Variants in NLK observed in about 807,000 individuals in gnomAD.
NLK encodes nemo like kinase.
NLK carries 11 observed loss-of-function variants against 59.0 expected under a neutral mutation model. That is an observed-to-expected ratio of 0.19 (90% CI 0.12 to 0.31). The LOEUF is 0.31. Ranked by LOEUF, NLK falls within the 10% of genes least tolerant of loss-of-function variation. The pLI, the probability that NLK is intolerant of heterozygous loss-of-function variation, is 1.00. For missense variants in NLK, 410 were observed against 661.1 expected (o/e 0.62, Z 4.16); for synonymous variants, 235 against 235.9 (o/e 1.00, Z 0.03).
chr17:28,188,819 C>T (rs1233652184), intron 8 of NLK, among the ~76,000 whole-genome samples: 1 of 152,050 alleles, frequency 6.6e-6, no homozygotes, highest in African/African-American at 2.4e-5. Flanking sequence ...TTATTTAGTC[C>T]ATTTAGTCTG....
intron 3 of NLK, among the ~76,000 whole-genome samples, chr17:28,156,185 T>C (rs939387215): frequency 2.0e-5 from 3 of 152,176 alleles, no homozygotes; most frequent in Non-Finnish European, 4.4e-5. Flanking sequence ...TATATAAGTA[T>C]ATAACTTGCG....
chr17:28,069,346 A>G lies in NLK; in HGVS notation c.458+26015A>G, dbSNP rs1423166158. On this transcript the variant is annotated intron_variant, in intron 1 of 10. Transcript: ENST00000407008. ...CTTCTGTTCCTTCCAGTTTTAGACT[A>G]TTCTTACATAAGTCTTTTTATGGAT... is the stretch of plus-strand genomic sequence containing the variant. Among the ~76,000 whole-genome samples the G allele has an allele frequency of 2.6e-5, 4 of 152,214 alleles. No homozygotes were observed. The East Asian group carries it at 5.8e-4, about 22-fold the overall frequency.
intron 3 of NLK, among the ~76,000 whole-genome samples, chr17:28,154,805 G>A (rs1375633915): frequency 1.3e-5 from 2 of 152,110 alleles, no homozygotes; most frequent in Non-Finnish European, 2.9e-5. Flanking sequence ...ATACTGAGGT[G>A]GGCAGATCAC....
At chr17:28,113,948 T>C (rs946582496) in intron 1 of NLK, among the ~76,000 whole-genome samples, 3 of 152,228 alleles carry the variant, frequency 2.0e-5, no homozygotes, top group Non-Finnish European at 2.9e-5. Context: ...AGTTTAACTT[T>C]GCCTTTTTTT....
At chr17:28,146,908 A>C (rs563327718) in intron 3 of NLK, among the ~76,000 whole-genome samples, 1 of 152,294 alleles carries the variant, frequency 6.6e-6, no homozygotes, top group East Asian at 1.9e-4. Context: ...AATGGGACTT[A>C]CTTCTTACAG....
In NLK at chr17:28,055,186, G is replaced by A. The variant is rs562732090; in HGVS notation, c.458+11855G>A. The stretch of plus-strand genomic sequence containing the variant: ...TGGCTCACTGCAGCCTCTGCCTCTC[G>A]GGTTCAAGCAATTCTTCTGCCTCAT... On this transcript the variant is annotated intron_variant, in intron 1 of 10. Coordinates refer to ENST00000407008, the MANE Select transcript of NLK (RefSeq NM_016231.5). Among the ~76,000 whole-genome samples the A allele has an allele frequency of 3.9e-3, 578 of 150,070 alleles. 3 individuals are homozygous for A. Among genetic ancestry groups the A allele is most frequent in the Non-Finnish European group, 6.5e-3 (441 of 67,670 alleles).
At chr17:28,131,615 T>A (rs1031381349) in intron 2 of NLK, among the ~76,000 whole-genome samples, 3 of 138,134 alleles carry the variant, frequency 2.2e-5, no homozygotes, top group Non-Finnish European at 3.2e-5. Context: ...AAAAAAAAAA[T>A]TTAAGCTACA....
chr17:28,126,938 T>C (rs1301726146), intron 2 of NLK, among the ~76,000 whole-genome samples: 1 of 152,210 alleles, frequency 6.6e-6, no homozygotes, highest in Non-Finnish European at 1.5e-5. Context: ...TTTAGGTTTT[T>C]TGGATCTTTG....
rs573632778 is a variant in NLK, at chr17:28,171,536, T to G, written c.1048-981T>G. 2.6e-5 allele frequency among the ~76,000 whole-genome samples: 4 copies of G among 152,346 alleles called. No individual in the cohort carries two copies. In the East Asian group the frequency reaches 7.7e-4, roughly 29 times the overall value. On this transcript the variant is annotated intron_variant, in intron 6 of 10. Coordinates refer to ENST00000407008, the MANE Select transcript of NLK (RefSeq NM_016231.5). ...AAATGTGGTCTTATGTGGTGTCATA[T>G]TTTTCTAAGTGTCACAGTTTTCTGC...
At chr17:28,136,535 G>GT (rs1278215867) in intron 3 of NLK, among the ~76,000 whole-genome samples, 2 of 152,130 alleles carry the variant, frequency 1.3e-5, no homozygotes. Context: ...AAATACCTTA[G>GT]TTACATATAT....
intron 1 of NLK, among the ~76,000 whole-genome samples, chr17:28,087,951 G>C (rs1017517212): frequency 1.3e-5 from 2 of 152,144 alleles, no homozygotes; most frequent in South Asian, 2.1e-4. Context: ...AGGAGGAAAG[G>C]CTAGAGAAAT....
chr17:28,161,885 G>A (rs969591620), intron 4 of NLK, among the ~76,000 whole-genome samples: 2 of 152,140 alleles, frequency 1.3e-5, no homozygotes, highest in African/African-American at 4.8e-5. Context: ...GCCATTACAA[G>A]TAGAGAATTG....
intron 1 of NLK, among the ~76,000 whole-genome samples, chr17:28,059,419 C>G (rs1909554288): frequency 6.6e-6 from 1 of 151,958 alleles, no homozygotes; most frequent in Admixed American, 6.6e-5. Flanking sequence ...TTTCTATAAT[C>G]TACATAAAGT....
chr17:28,151,155 G>GAGT (rs1299499717), intron 3 of NLK, among the ~76,000 whole-genome samples: 1 of 152,168 alleles, frequency 6.6e-6, no homozygotes, highest in Non-Finnish European at 1.5e-5. Context: ...AACAGACCTG[G>GAGT]AGTGATGCAG....
At chr17:28,130,224 A>AGCTATTTGGGGTGTCAGCT (rs1398751088) in intron 2 of NLK, among the ~76,000 whole-genome samples, 2 of 152,212 alleles carry the variant, frequency 1.3e-5, no homozygotes, top group African/African-American at 2.4e-5. Flanking sequence ...CTAGCTATTT[A>AGCTATTTGGGGTGTCAGCT]AATGGGGTGT....
chr17:28,059,865 T>G (rs1909569519), intron 1 of NLK, among the ~76,000 whole-genome samples: 1 of 152,192 alleles, frequency 6.6e-6, no homozygotes, highest in South Asian at 2.1e-4. Context: ...TAGCACGCCC[T>G]TATATGGTAT....
chr17:28,180,191 T>C (rs950049092), intron 7 of NLK, among the ~76,000 whole-genome samples: 1 of 152,184 alleles, frequency 6.6e-6, no homozygotes, highest in Non-Finnish European at 1.5e-5. Flanking sequence ...TTTTATTGTA[T>C]TTGTTGAGGT....
At chr17:28,160,104 T>C (rs1907941710) in intron 3 of NLK, among the ~76,000 whole-genome samples, 2 of 152,190 alleles carry the variant, frequency 1.3e-5, no homozygotes. Flanking sequence ...GTCTGCAGCA[T>C]GGATGTTATT....
At chr17:28,053,690 T>C (rs1322046014) in intron 1 of NLK, among the ~76,000 whole-genome samples, 1 of 152,208 alleles carries the variant, frequency 6.6e-6, no homozygotes, top group African/African-American at 2.4e-5. Flanking sequence ...AAAAGAGACA[T>C]TTGAACAAAT....
Sources: gnomAD v4.1 joint callset for allele counts (sites outside exome capture counted in the v4.1 genomes callset) on GRCh38, gnomAD v4.1.1 for gene constraint, MANE v1.5 for transcripts, NCBI Gene and HGNC (gene_info 2026-07-23, HGNC 2026-07-21) for gene names.